ATAD3A: variants seen among roughly 807,000 people sequenced by gnomAD.
ATAD3A encodes ATPase family AAA domain-containing protein 3A.
ATAD3A carries 46 observed loss-of-function variants against 73.8 expected under a neutral mutation model. The observed-to-expected ratio is 0.62, with a 90% CI of 0.49 to 0.80. The LOEUF is 0.80. Ranked by LOEUF, ATAD3A falls within the 30% of genes least tolerant of loss-of-function variation. The pLI is 0.00. For synonymous variants in ATAD3A, 319 were observed against 350.0 expected (o/e 0.91, Z 0.99); for missense variants, 705 against 838.0 (o/e 0.84, Z 1.96).
rs1031789545 is a variant in ATAD3A at position 1,523,424 on chromosome 1, G to T, written c.907-87G>T. 5.0e-5 allele frequency: 77 copies of T among 1,548,382 alleles called. 1 individual carries two copies. The Admixed American group carries it at 1.4e-3, about 28-fold the overall frequency. On this transcript the variant is annotated intron_variant, in intron 8 of 15. Coordinates refer to ENST00000378756, the MANE Select transcript of ATAD3A (RefSeq NM_001170535.3). This position sits in a 1 kb window ranked among gnomAD's most constrained non-coding sequence, Gnocchi z 5.1. ...TGCTTTGGGGCAGCTCCGTTTCTGCGTGTTACCGAGCGTGTGTGTGCGCGT... is the reference window on the plus strand; with the variant it reads ...TGCTTTGGGGCAGCTCCGTTTCTGCTTGTTACCGAGCGTGTGTGTGCGCGT...
In ATAD3A at chr1:1,523,477, T is replaced by C; in HGVS notation, c.907-34T>C. The C allele has an allele frequency of 6.3e-7, 1 of 1,594,360 alleles. No individual in the cohort carries two copies. The highest frequency in any genetic ancestry group is 1.3e-5 in the African/African-American group (1 of 74,204). ...GTGGCTGTTCCGTGGCTGTGGCAGG[T>C]GACCCGATGGCGCTTCCCCTTCCCC... is the stretch of plus-strand genomic sequence containing the variant. On this transcript the variant is annotated intron_variant, in intron 8 of 15. Coordinates refer to ENST00000378756, the MANE Select transcript of ATAD3A (RefSeq NM_001170535.3). The surrounding 1 kb of genome is among the most constrained non-coding windows in gnomAD (Gnocchi z 5.1).
rs559935599 is a variant in ATAD3A at position 1,525,284 on chromosome 1, G to A, written c.1259G>A (p.Arg420Gln). 2.3e-5 allele frequency: 37 copies of A among 1,613,806 alleles called. No homozygotes were observed. The Admixed American group carries it at 4.0e-4, about 17-fold the overall frequency. ...GAAGCGGACGCCTTCCTTCGGAAGCGAGCCACCGTGAGTGTCACTAAGCCT... is the reference window on the plus strand; with the variant it reads ...GAAGCGGACGCCTTCCTTCGGAAGCAAGCCACCGTGAGTGTCACTAAGCCT... ...VDEADAFLRK[R>Q]ATEKISEDLR... The change falls in exon 12 of 16, where the codon CGA (arginine) becomes CAA (glutamine). Residue 420 changes from arginine (R) to glutamine (Q), a missense_variant. Arg to Gln is a conservative substitution (Grantham distance 43). This residue lies in a region of ATAD3A where 252 missense variants were observed against 278.5 expected (regional missense o/e 0.90). Transcript: ENST00000378756.
chr1:1,517,819 G>A lies in ATAD3A; in HGVS notation c.444+44G>A, dbSNP rs142266637. 5,655 of 1,249,890 alleles carry A rather than the reference G, an allele frequency of 4.5e-3. 117 individuals are homozygous for A. The African/African-American group carries it at 0.071, about 16-fold the overall frequency. The allele number at this position is 1,249,890 out of a possible 1,614,324, so 77.4% of individuals were successfully genotyped here. A position where few individuals can be genotyped will look rare whatever the true frequency, so the allele number is the denominator to read the frequency against. On this transcript the variant is annotated intron_variant, in intron 4 of 15. Coordinates refer to ENST00000378756, the MANE Select transcript of ATAD3A (RefSeq NM_001170535.3). ...GCGAGGCGCCTGCGTCCCTGAGAAC[G>A]TAGGTGGCTTTGTGGGACCAGTCAG... is the stretch of plus-strand genomic sequence containing the variant.
chr1:1,516,100 C>G lies in ATAD3A; in HGVS notation c.282+12C>G, dbSNP rs376012620. 1.2e-6 allele frequency: 2 copies of G among 1,612,892 alleles called. No individual in the cohort carries two copies. Among genetic ancestry groups the G allele is most frequent in the East Asian group, 2.2e-5 (1 of 44,882 alleles). On this transcript the variant is annotated intron_variant, in intron 2 of 15. Coordinates refer to ENST00000378756, the MANE Select transcript of ATAD3A (RefSeq NM_001170535.3). ...AGTCCAAGCTCAAAGTGAGTGGGGCCGGTGTGGGTGGGGAGGCCGGGGCGC... is the reference window on the plus strand; with the variant it reads ...AGTCCAAGCTCAAAGTGAGTGGGGCGGGTGTGGGTGGGGAGGCCGGGGCGC...
intron 15 of ATAD3A, among the ~76,000 whole-genome samples, chr1:1,530,262 T>C (rs974691781): frequency 3.3e-5 from 5 of 152,152 alleles, no homozygotes; most frequent in African/African-American, 1.2e-4. Context: ...AGGCCGGGTA[T>C]GGTGGTGGCT....
At chr1:1,528,831 C>T (rs1327877711) in intron 14 of ATAD3A, among the ~76,000 whole-genome samples, 1 of 152,252 alleles carries the variant, frequency 6.6e-6, no homozygotes, top group Non-Finnish European at 1.5e-5. Flanking sequence ...TATGCCCTCC[C>T]CTTCCCTGGG....
At chr1:1,530,940 G>A (rs1642014270) in intron 15 of ATAD3A, among the ~76,000 whole-genome samples, 1 of 151,312 alleles carries the variant, frequency 6.6e-6, no homozygotes, top group African/African-American at 2.4e-5. Context: ...TCATACACCT[G>A]AGGTCAGGAG....
Position 1,526,443 on chromosome 1 carries a change from G to A in ATAD3A, c.1267-18G>A. 8 of 1,605,672 alleles carry A rather than the reference G, an allele frequency of 5.0e-6. No homozygotes were observed. The highest frequency in any genetic ancestry group is 6.8e-6 in the Non-Finnish European group (8 of 1,175,868). Reference sequence around the variant, plus strand: ...GGCTTTGCTCCTGGTGCCTAAGGCTGGAACCTTCTCTCTGCAGGAGAAGAT... The same window carrying A: ...GGCTTTGCTCCTGGTGCCTAAGGCTAGAACCTTCTCTCTGCAGGAGAAGAT... On this transcript the variant is annotated intron_variant, in intron 12 of 15. Transcript: ENST00000378756.
At chr1:1,528,282 C>G (rs943531223) in intron 14 of ATAD3A, among the ~76,000 whole-genome samples, 63 of 152,350 alleles carry the variant, frequency 4.1e-4, no homozygotes, top group African/African-American at 1.5e-3. Context: ...TTCCTCTTCA[C>G]TACGAGGAGG....
intron 12 of ATAD3A, among the ~76,000 whole-genome samples, chr1:1,525,592 T>TG (rs1641785302): frequency 6.6e-6 from 1 of 151,994 alleles, no homozygotes; most frequent in South Asian, 2.1e-4. Flanking sequence ...TTTTTTGTGT[T>TG]TTTAGCAGAG....
intron 12 of ATAD3A, among the ~76,000 whole-genome samples, chr1:1,526,177 C>T (rs532411989): frequency 7.9e-5 from 12 of 152,180 alleles, no homozygotes; most frequent in Admixed American, 3.3e-4. Context: ...TGCGCCACCA[C>T]GCCTGGCTAA....
rs1229034202 is a variant in ATAD3A at position 1,517,322 on chromosome 1, C to T, written c.294C>T (p.Ala98=). 27 of 1,545,246 alleles carry T rather than the reference C, an allele frequency of 1.7e-5. 1 individual carries two copies. The highest frequency in any genetic ancestry group is 2.5e-5 in the East Asian group (1 of 40,482). ...GCTGTGCTCTGCAGGAGTATGAGGC[C>T]GCCGTGGAGCAGCTCAAGAGCGAGC... is the stretch of plus-strand genomic sequence containing the variant. ...EQQSKLKEYE[A]AVEQLKSEQI... is the part of the protein sequence containing the mutation. The change falls in exon 3 of 16, where the codon GCC becomes GCT. Residue 98 remains alanine, a synonymous_variant. Coordinates refer to ENST00000378756, the MANE Select transcript of ATAD3A (RefSeq NM_001170535.3).
Position 1,520,058 on chromosome 1 carries a change from G to A in ATAD3A, c.515-83G>A, listed in dbSNP as rs182976081. 4.2e-3 allele frequency: 6,412 copies of A among 1,533,632 alleles called. 16 individuals are homozygous for A. The highest frequency in any genetic ancestry group is 5.0e-3 in the Non-Finnish European group (5,663 of 1,138,250). ...GTCTGTCCGTGGCGTGGGCCGGTCC[G>A]TGGCGTGGGCCGGTCCACAGTGTGG... On this transcript the variant is annotated intron_variant, in intron 5 of 15. Coordinates refer to ENST00000378756, the MANE Select transcript of ATAD3A (RefSeq NM_001170535.3). The surrounding 1 kb of genome is among the most constrained non-coding windows in gnomAD (Gnocchi z 4.0).
chr1:1,521,614 G>A (rs536781657), intron 7 of ATAD3A, among the ~76,000 whole-genome samples: 2 of 152,350 alleles, frequency 1.3e-5, no homozygotes, highest in South Asian at 2.1e-4. Context: ...TCAGTGTGAC[G>A]GTGAATGTTG....
rs568192273 is a variant in ATAD3A at position 1,523,256 on chromosome 1, G to C, written c.907-255G>C. On this transcript the variant is annotated intron_variant, in intron 8 of 15. Transcript: ENST00000378756. This position sits in a 1 kb window ranked among gnomAD's most constrained non-coding sequence, Gnocchi z 5.1. ...GGGAGCCGCGCCGCTCGCCGCCCCCGAGGTGCCTGCTCTCCACAGGTCACT... is the reference window on the plus strand; with the variant it reads ...GGGAGCCGCGCCGCTCGCCGCCCCCCAGGTGCCTGCTCTCCACAGGTCACT... Among the ~76,000 whole-genome samples, 2 of 152,000 alleles carry C rather than the reference G, an allele frequency of 1.3e-5. No individual in the cohort carries two copies. The highest frequency in any genetic ancestry group is 4.8e-5 in the African/African-American group (2 of 41,344).
Position 1,520,083 on chromosome 1 carries a change from G to A in ATAD3A, c.515-58G>A. 6.4e-7 allele frequency: 1 copy of A among 1,571,340 alleles called. No individual in the cohort carries two copies. Among genetic ancestry groups the A allele is most frequent in the Non-Finnish European group, 8.6e-7 (1 of 1,159,252 alleles). The stretch of plus-strand genomic sequence containing the variant: ...GTGGCGTGGGCCGGTCCACAGTGTG[G>A]GTGGAGGTGGACGCGCTGCACTGCA... On this transcript the variant is annotated intron_variant, in intron 5 of 15. Transcript: ENST00000378756. The surrounding 1 kb of genome is among the most constrained non-coding windows in gnomAD (Gnocchi z 4.0).
intron 4 of ATAD3A, 119 bp from the exon 5 acceptor site, chr1:1,518,802 C>T: frequency 6.3e-7 from 1 of 1,585,250 alleles, no homozygotes; most frequent in Non-Finnish European, 8.6e-7. Context: ...CGGGCACCGT[C>T]ACACCCCGCA....
chr1:1,524,962 T>C (rs375303536), intron 11 of ATAD3A, among the ~76,000 whole-genome samples: 399 of 152,146 alleles, frequency 2.6e-3, no homozygotes, highest in East Asian at 0.01. Flanking sequence ...CGGCCACCAG[T>C]GCTGCACTGG....
In ATAD3A at chr1:1,523,795, A is replaced by G. The variant is rs201820256; in HGVS notation, c.964-44A>G. On this transcript the variant is annotated intron_variant, in intron 9 of 15. Transcript: ENST00000378756. The surrounding 1 kb of genome is among the most constrained non-coding windows in gnomAD (Gnocchi z 5.1). ...CGCAGCCCCTTCCCCTGAGGCTTCC[A>G]TGGGTGCACAGTGTCTCCTCCAAAC... is the stretch of plus-strand genomic sequence containing the variant. The G allele has an allele frequency of 2.7e-4, 443 of 1,613,042 alleles. No individual in the cohort carries two copies. In the African/African-American group the frequency reaches 5.0e-3, roughly 18 times the overall value.
Sources: gnomAD v4.1 joint callset for allele counts (sites outside exome capture counted in the v4.1 genomes callset) on GRCh38, gnomAD v4.1.1 for gene constraint, gnomAD v4.1.1 regional missense constraint, Gnocchi (gnomAD v3.1) non-coding constraint, MANE v1.5 for transcripts, NCBI Gene and HGNC (gene_info 2026-07-23, HGNC 2026-07-21) for gene names.